SMAD2: variants seen among roughly 807,000 people sequenced by gnomAD.
SMAD2 encodes SMAD family member 2.
Under a neutral mutation model 64.4 loss-of-function variants are expected in SMAD2, and 8 were observed. That is an observed-to-expected ratio of 0.12 (90% CI 0.07 to 0.22). The LOEUF is 0.22. Ranked by LOEUF, SMAD2 falls within the 10% of genes least tolerant of loss-of-function variation. The probability of loss-of-function intolerance (pLI) is 1.00; values close to 1 mark genes in which losing one functional copy is unlikely to be tolerated. For synonymous variants in SMAD2, 203 were observed against 195.8 expected (o/e 1.04, Z -0.31); for missense variants, 289 against 561.2 (o/e 0.51, Z 4.90).
chr18:47,894,693 A>G (rs2033356378), intron 2 of SMAD2, among the ~76,000 whole-genome samples: 1 of 152,184 alleles, frequency 6.6e-6, no homozygotes, highest in African/African-American at 2.4e-5. Context: ...CTTCTTTTAT[A>G]ACATCTACCA....
chr18:47,922,495 T>C (rs2034601752), intron 1 of SMAD2: 1 of 152,212 alleles, frequency 6.6e-6, no homozygotes, highest in Non-Finnish European at 1.5e-5. Flanking sequence ...TTAAGTAATC[T>C]AGAGAGGATT....
rs1913042938 is a variant in SMAD2 at position 47,832,626 on chromosome 18, C to T, written c.*9201G>A. ...AAGTGTGGCTGACCTAAATATTTCT[C>T]ATTTTTAAAATTATTCATACTGATT... On this transcript the variant is annotated 3_prime_UTR_variant, in exon 11 of 11. Coordinates refer to ENST00000262160, the MANE Select transcript of SMAD2 (RefSeq NM_005901.6). 6.6e-6 allele frequency: 1 copy of T among 152,004 alleles called. No homozygotes were observed. The highest frequency in any genetic ancestry group is 1.5e-5 in the Non-Finnish European group (1 of 68,008). 9.4% of individuals were successfully genotyped at this position (152,004 alleles called of 1,614,324 possible).
intron 1 of SMAD2, among the ~76,000 whole-genome samples, chr18:47,918,806 G>C (rs2144535288): frequency 6.6e-6 from 1 of 152,052 alleles, no homozygotes; most frequent in East Asian, 1.9e-4. Context: ...AAATCTTCCA[G>C]AAAGTAGAAA....
chr18:47,850,850 T>A (rs183802179), intron 7 of SMAD2, among the ~76,000 whole-genome samples: 1 of 6,124 alleles, frequency 1.6e-4, no homozygotes, highest in African/African-American at 2.3e-3. Context: ...TATTATATAT[T>A]ATATATATTA....
At chr18:47,846,971 T>G (rs577641417) in intron 8 of SMAD2, among the ~76,000 whole-genome samples, 59 of 152,294 alleles carry the variant, frequency 3.9e-4, no homozygotes, top group African/African-American at 1.3e-3. Context: ...AAAACAGTCA[T>G]GCACGTGGTC....
intron 1 of SMAD2, among the ~76,000 whole-genome samples, chr18:47,910,696 T>C (rs2034092197): frequency 2.0e-5 from 3 of 152,298 alleles, no homozygotes; most frequent in South Asian, 4.1e-4. Context: ...ACTTAGTGAA[T>C]AGTATATGTA....
chr18:47,929,012 G>A (rs1158683425), intron 1 of SMAD2, among the ~76,000 whole-genome samples: 1 of 152,192 alleles, frequency 6.6e-6, no homozygotes, highest in Non-Finnish European at 1.5e-5. Context: ...TATTACTTTT[G>A]AATTTAATAT....
Position 47,865,054 on chromosome 18 carries a change from T to C in SMAD2, c.730+5A>G, listed in dbSNP as rs1362516163. 3.2e-6 allele frequency: 5 copies of C among 1,556,034 alleles called. No individual in the cohort carries two copies. The highest frequency in any genetic ancestry group is 1.1e-5 in the South Asian group (1 of 89,790). ...CTGAGGAATTTTCAAAGACATTTTTTTTACCTGTGTCCATACTTTGATTCA... is the reference window on the plus strand; with the variant it reads ...CTGAGGAATTTTCAAAGACATTTTTCTTACCTGTGTCCATACTTTGATTCA... On this transcript the variant is annotated splice_donor_5th_base_variant and intron_variant, in intron 6 of 10. Coordinates refer to ENST00000262160, the MANE Select transcript of SMAD2 (RefSeq NM_005901.6).
At position 47,834,153 on chromosome 18, in the gene SMAD2, A is replaced by G. The variant is rs1272375788; in HGVS notation, c.*7674T>C. On this transcript the variant is annotated 3_prime_UTR_variant, in exon 11 of 11. Transcript: ENST00000262160. ...TCAGAAATGTTGACAGCCATAGTGC[A>G]GCTGAGTTTAGAAGCAACTATGACA... 4.7e-6 allele frequency: 1 copy of G among 213,008 alleles called. No homozygotes were observed. Among genetic ancestry groups the G allele is most frequent in the Non-Finnish European group, 9.5e-6 (1 of 105,306 alleles). The allele number at this position is 213,008 out of a possible 1,614,324, so 13.2% of individuals were successfully genotyped here. A position where few individuals can be genotyped will look rare whatever the true frequency, so the allele number is the denominator to read the frequency against.
chr18:47,930,685 G>C (rs1240692377), upstream of SMAD2: 1 of 149,166 alleles, frequency 6.7e-6, no homozygotes, highest in Non-Finnish European at 1.5e-5. Flanking sequence ...CCTCCCCTCA[G>C]GCGCGCGCCC....
At chr18:47,848,988 A>C (rs1350337085) in intron 7 of SMAD2, among the ~76,000 whole-genome samples, 1 of 152,234 alleles carries the variant, frequency 6.6e-6, no homozygotes, top group Non-Finnish European at 1.5e-5. Context: ...CTCCTGTTCA[A>C]ATACAAAACA....
chr18:47,918,923 AATAG>A (rs1471880136), intron 1 of SMAD2, among the ~76,000 whole-genome samples: 1 of 152,172 alleles, frequency 6.6e-6, no homozygotes, highest in African/African-American at 2.4e-5. Context: ...AGGGGAGTCA[AATAG>A]ATAAATTAAG....
intron 2 of SMAD2, among the ~76,000 whole-genome samples, chr18:47,882,075 C>CA (rs1351497254): frequency 3.5e-5 from 2 of 57,718 alleles, no homozygotes; most frequent in Non-Finnish European, 6.3e-5. Context: ...TTTGTGGAGA[C>CA]AGAGTCTTAT....
rs1261259056 is a variant in SMAD2, at chr18:47,839,282, A to G, written c.*2545T>C. On this transcript the variant is annotated 3_prime_UTR_variant, in exon 11 of 11. Transcript: ENST00000262160. Reference sequence around the variant, plus strand: ...TGACCTAACACAGTAATGCAAGAGTAACCACCAAGATCAGGACCTTCTACC... The same window carrying G: ...TGACCTAACACAGTAATGCAAGAGTGACCACCAAGATCAGGACCTTCTACC... The G allele has an allele frequency of 8.6e-6, 2 of 233,274 alleles. No homozygotes were observed. Among genetic ancestry groups the G allele is most frequent in the Non-Finnish European group, 1.7e-5 (2 of 118,070 alleles). The allele number at this position is 233,274 out of a possible 1,614,324, so 14.5% of individuals were successfully genotyped here. A position where few individuals can be genotyped will look rare whatever the true frequency, so the allele number is the denominator to read the frequency against.
rs767804928 is a variant in SMAD2 at position 47,869,283 on chromosome 18, T to C, written c.480A>G (p.Val160=). The change falls in exon 4 of 11, where the codon GTA becomes GTG. Residue 160 remains valine, a synonymous_variant. Transcript: ENST00000262160. ...EYAFNLKKDE[V]CVNPYHYQRV... is the part of the protein sequence containing the mutation. ...TCTGATAGTGGTAAGGGTTTACACA[T>C]ACTTCATCCTTTTTAAGATTAAAAG... 3.7e-6 allele frequency: 6 copies of C among 1,613,558 alleles called. No homozygotes were observed. The South Asian group carries it at 5.5e-5, about 15-fold the overall frequency.
rs950572136 is a variant in SMAD2, at chr18:47,817,287, C to G, written c.*24540G>C. The stretch of plus-strand genomic sequence containing the variant: ...CTGCCCCAGTGAGTCTTTTCTCAGG[C>G]AGAGCCTCCCACTTTTGGCAGAGGC... On this transcript the variant is annotated 3_prime_UTR_variant, in exon 11 of 11. Transcript: ENST00000262160. 5 of 152,258 alleles carry G rather than the reference C, an allele frequency of 3.3e-5. No homozygotes were observed. Among genetic ancestry groups the G allele is most frequent in the African/African-American group, 1.2e-4 (5 of 41,448 alleles). 9.4% of individuals were successfully genotyped at this position (152,258 alleles called of 1,614,324 possible). A position where few individuals can be genotyped will look rare whatever the true frequency, so the allele number is the denominator to read the frequency against.
In SMAD2 at chr18:47,871,330, AT is replaced by A. The variant is rs2031920403; in HGVS notation, c.237-767del. ...TTTCTGAAAAGTCCATTTCTTACAT[AT>A]TACAAAATCATCAAAACTTCAATGC... On this transcript the variant is annotated intron_variant, in intron 2 of 10. Coordinates refer to ENST00000262160, the MANE Select transcript of SMAD2 (RefSeq NM_005901.6). Among the ~76,000 whole-genome samples the A allele has an allele frequency of 2.0e-5, 3 of 152,254 alleles. No homozygotes were observed. In the South Asian group the frequency reaches 6.2e-4, roughly 31 times the overall value.
In SMAD2 at chr18:47,841,561, C is replaced by T. The variant is rs1163463458; in HGVS notation, c.*266G>A. ...CTGTTATTAATAAACCTTTGGGACA[C>T]TCAGTTTTATGCCCAATAAGACATC... On this transcript the variant is annotated 3_prime_UTR_variant, in exon 11 of 11. Transcript: ENST00000262160. The T allele has an allele frequency of 5.9e-6, 3 of 505,382 alleles. No homozygotes were observed. In the Admixed American group the frequency reaches 9.7e-5, roughly 16 times the overall value. The allele number at this position is 505,382 out of a possible 1,614,324, so 31.3% of individuals were successfully genotyped here.
In SMAD2 at chr18:47,839,100, C is replaced by T. The variant is rs1913700822; in HGVS notation, c.*2727G>A. The T allele has an allele frequency of 1.3e-5, 3 of 233,156 alleles. No individual in the cohort carries two copies. The highest frequency in any genetic ancestry group is 1.7e-5 in the Non-Finnish European group (2 of 118,024). 14.4% of individuals were successfully genotyped at this position (233,156 alleles called of 1,614,324 possible). Reference sequence around the variant, plus strand: ...TTAAAAAGCATCAAACACATTCACACAAATGTAATTACAACCAGGAAGTAA... The same window carrying T: ...TTAAAAAGCATCAAACACATTCACATAAATGTAATTACAACCAGGAAGTAA... On this transcript the variant is annotated 3_prime_UTR_variant, in exon 11 of 11. Coordinates refer to ENST00000262160, the MANE Select transcript of SMAD2 (RefSeq NM_005901.6).
Sources: gnomAD v4.1 joint callset for allele counts (sites outside exome capture counted in the v4.1 genomes callset) on GRCh38, gnomAD v4.1.1 for gene constraint, MANE v1.5 for transcripts, NCBI Gene and HGNC (gene_info 2026-07-23, HGNC 2026-07-21) for gene names.